SLC25A10: variants seen among roughly 807,000 people sequenced by gnomAD.
The protein encoded by SLC25A10 is solute carrier family 25 member 10.
SLC25A10 carries 32 observed loss-of-function variants against 40.4 expected under a neutral mutation model. The observed-to-expected ratio is 0.79, with a 90% CI of 0.60 to 1.06. The LOEUF is 1.06. Ranked by LOEUF, SLC25A10 falls within the 50% of genes least tolerant of loss-of-function variation. The probability of loss-of-function intolerance (pLI) is 0.00; values close to 1 mark genes in which losing one functional copy is unlikely to be tolerated. For missense variants in SLC25A10, 394 were observed against 402.6 expected, an observed-to-expected ratio of 0.98 and a Z score of 0.18; for synonymous variants, 181 against 171.1, an observed-to-expected ratio of 1.06 and a Z score of -0.45.
chr17:81,716,881 C>G (rs1230662515), intron 6 of SLC25A10, 26 bp downstream of exon 6: 1 of 1,609,822 alleles, frequency 6.2e-7, no homozygotes, highest in Non-Finnish European at 8.5e-7. Context: ...TGTGCACAGG[C>G]AGGGTTCTGG....
chr17:81,717,858 T>C lies in SLC25A10; in HGVS notation c.702T>C (p.Tyr234=). The C allele has an allele frequency of 6.2e-7, 1 of 1,607,206 alleles. No individual in the cohort carries two copies. Among genetic ancestry groups the C allele is most frequent in the Non-Finnish European group, 8.5e-7 (1 of 1,177,696 alleles). ...GCCTGATGAACTCCAAGGGGGAGTATCAGGTGAGTGGGGCCCTGCCTGTGC... is the reference window on the plus strand; with the variant it reads ...GCCTGATGAACTCCAAGGGGGAGTACCAGGTGAGTGGGGCCCTGCCTGTGC... ...KTRLMNSKGE[Y]QGVFHCAVET... is the part of the protein sequence containing the mutation. Residue 234 remains tyrosine, a synonymous_variant, in exon 9 of 11, where the codon TAT becomes TAC. Coordinates refer to ENST00000350690, the MANE Select transcript of SLC25A10 (RefSeq NM_012140.5).
intron 2 of SLC25A10, 90 bp from the exon 3 acceptor site, chr17:81,715,388 G>C: frequency 1.7e-6 from 2 of 1,173,090 alleles, no homozygotes; most frequent in Middle Eastern, 2.0e-4. Flanking sequence ...GTGGCCCCTC[G>C]GGCTGAGGGG....
Position 81,719,838 on chromosome 17 carries a change from TCCACTG to T in SLC25A10, c.715_720del (p.His239_Cys240del). On this transcript the variant is annotated inframe_deletion, in exon 10 of 11. Transcript: ENST00000350690. ...TCACTGCGTTTTCTGCAGGGCGTTT[TCCACTG>T]CGCCGTGGAGACAGCGAAGCTCGGG... 1 of 1,613,340 alleles carries T rather than the reference TCCACTG, an allele frequency of 6.2e-7. No homozygotes were observed. The highest frequency in any genetic ancestry group is 8.5e-7 in the Non-Finnish European group (1 of 1,179,920).
Position 81,720,355 on chromosome 17 carries a change from G to A in SLC25A10, c.*278G>A, listed in dbSNP as rs1769726568. On this transcript the variant is annotated 3_prime_UTR_variant, in exon 11 of 11. Transcript: ENST00000350690. ...CCGCTGGCAGCTCCTCAGGGGAACA[G>A]GGGCTACCAGAGGCTGATTTCTCCC... is the stretch of plus-strand genomic sequence containing the variant. 6.4e-6 allele frequency: 9 copies of A among 1,417,282 alleles called. No homozygotes were observed. The highest frequency in any genetic ancestry group is 2.6e-4 in the Middle Eastern group (1 of 3,826). 87.8% of individuals were successfully genotyped at this position (1,417,282 alleles called of 1,614,324 possible).
chr17:81,715,874 G>A (rs1308074927), intron 4 of SLC25A10, 133 bp downstream of exon 4: 14 of 1,429,548 alleles, frequency 9.8e-6, no homozygotes, highest in Non-Finnish European at 1.3e-5. Flanking sequence ...CCTGGGCATA[G>A]GAGGGTGGGT....
rs1401383836 is a variant in SLC25A10, at chr17:81,720,376, C to G, written c.*299C>G. The stretch of plus-strand genomic sequence containing the variant: ...AACAGGGGCTACCAGAGGCTGATTT[C>G]TCCCCTCTCCTGGGCCAGGGGAGGG... On this transcript the variant is annotated 3_prime_UTR_variant, in exon 11 of 11. Transcript: ENST00000350690. 1.4e-6 allele frequency: 2 copies of G among 1,408,874 alleles called. No homozygotes were observed. The highest frequency in any genetic ancestry group is 2.9e-5 in the African/African-American group (2 of 69,166). The allele number at this position is 1,408,874 out of a possible 1,614,324, so 87.3% of individuals were successfully genotyped here.
At chr17:81,714,534 T>A (rs757908233) in intron 1 of SLC25A10, among the ~76,000 whole-genome samples, 9 of 152,220 alleles carry the variant, frequency 5.9e-5, no homozygotes, top group Non-Finnish European at 1.2e-4. Context: ...TCGCCGTTTC[T>A]GAGCGGCCAT....
rs1379372118 is a variant in SLC25A10 at position 81,718,949 on chromosome 17, AAAAAAAC to A, written c.706-868_706-862del. Among the ~76,000 whole-genome samples, 22 of 151,912 alleles carry A rather than the reference AAAAAAAC, an allele frequency of 1.4e-4. No homozygotes were observed. In the Middle Eastern group the frequency reaches 0.017, roughly 117 times the overall value. Reference sequence around the variant, plus strand: ...GGATGACAGAGCGAGACTCTGTCTTAAAAAAACAAAAAACAAAAAAAAACACATTTCT... The same window carrying A: ...GGATGACAGAGCGAGACTCTGTCTTAAAAAAACAAAAAAAAACACATTTCT... On this transcript the variant is annotated intron_variant, in intron 9 of 10. Coordinates refer to ENST00000350690, the MANE Select transcript of SLC25A10 (RefSeq NM_012140.5).
intron 1 of SLC25A10, chr17:81,713,302 C>A: frequency 4.4e-6 from 1 of 225,704 alleles, no homozygotes; most frequent in Non-Finnish European, 7.4e-6. Context: ...TGTCTTGCCA[C>A]AGAGAACAAA....
rs1337435143 is a variant in SLC25A10, at chr17:81,717,052, G to A, written c.514G>A (p.Ala172Thr). ...TGCAACCATGGCATCCAGCCGAGGG[G>A]CCTTAGTCACTGTGGGCCAGGTAGG... is the stretch of plus-strand genomic sequence containing the variant. ...SGATMASSRG[A>T]LVTVGQLSCY... Residue 172 changes from alanine (A) to threonine (T), a missense_variant, in exon 7 of 11, where the codon GCC becomes ACC. Ala to Thr is a moderately conservative substitution (Grantham distance 58). Coordinates refer to ENST00000350690, the MANE Select transcript of SLC25A10 (RefSeq NM_012140.5). 2.5e-6 allele frequency: 4 copies of A among 1,613,812 alleles called. No homozygotes were observed. The highest frequency in any genetic ancestry group is 1.7e-5 in the Admixed American group (1 of 60,014).
intron 4 of SLC25A10, 37 bp from the exon 5 acceptor site, chr17:81,715,972 G>GGC: frequency 1.1e-4 from 176 of 1,539,138 alleles, no homozygotes; most frequent in Middle Eastern, 3.7e-4. Flanking sequence ...ATGCCCCTCG[G>GGC]CCCGCCCGCC....
At chr17:81,719,922 G>A in intron 10 of SLC25A10, 35 bp downstream of exon 10, 1 of 1,613,582 alleles carries the variant, frequency 6.2e-7, no homozygotes, top group Non-Finnish European at 8.5e-7. Context: ...CTTGGGCAAT[G>A]GGGAGCGGGC....
Position 81,715,532 on chromosome 17 carries a change from G to A in SLC25A10, c.268G>A (p.Ala90Thr), listed in dbSNP as rs2037468575. 1.2e-6 allele frequency: 2 copies of A among 1,612,934 alleles called. No individual in the cohort carries two copies. The highest frequency in any genetic ancestry group is 2.7e-5 in the African/African-American group (2 of 75,056). The change falls in exon 3 of 11, where the codon GCC becomes ACC. Residue 90 changes from alanine to threonine, a missense_variant. Ala to Thr is a moderately conservative substitution (Grantham distance 58). Coordinates refer to ENST00000350690, the MANE Select transcript of SLC25A10 (RefSeq NM_012140.5). ...AIYETVRDRV[A>T]KGSQGPLPFH... ...CTACGAGACTGTGCGGGACCGTGTG[G>A]CCAAGGGCAGCCAGGGGCCTCTCCC...
intron 8 of SLC25A10, 109 bp from the exon 9 acceptor site, chr17:81,717,675 T>C: frequency 1.4e-6 from 2 of 1,387,206 alleles, no homozygotes; most frequent in East Asian, 2.5e-5. Context: ...CCCGCCAGCA[T>C]GTTCCTGGCC....
chr17:81,717,920 T>C, intron 9 of SLC25A10, 59 bp downstream of exon 9: 1 of 1,353,680 alleles, frequency 7.4e-7, no homozygotes, highest in Non-Finnish European at 1.0e-6. Context: ...CCCTCACCTC[T>C]CCGGGGGGTG....
chr17:81,716,583 C>G, intron 5 of SLC25A10: 1 of 593,298 alleles, frequency 1.7e-6, no homozygotes, highest in Non-Finnish European at 3.0e-6. Flanking sequence ...CGGTGCCCAG[C>G]CAGGGACTCT....
At chr17:81,714,084 G>A (rs558284566) in intron 1 of SLC25A10, among the ~76,000 whole-genome samples, 4 of 152,344 alleles carry the variant, frequency 2.6e-5, no homozygotes, top group South Asian at 2.1e-4. Flanking sequence ...TGCTGGGCTC[G>A]CACAATGGGA....
intron 5 of SLC25A10, 67 bp downstream of exon 5, chr17:81,716,117 G>A (rs2037481758): frequency 6.6e-7 from 1 of 1,513,546 alleles, no homozygotes; most frequent in Non-Finnish European, 9.0e-7. Context: ...CGGACCCCTG[G>A]CTGCTCTGCC....
intron 1 of SLC25A10, 152 bp from the exon 2 acceptor site, chr17:81,714,801 T>C: frequency 2.0e-6 from 2 of 1,005,854 alleles, no homozygotes; most frequent in South Asian, 3.2e-5. Flanking sequence ...AAAGCAGTGG[T>C]GTGAGCTGGT....
Sources: gnomAD v4.1 joint callset for allele counts (sites outside exome capture counted in the v4.1 genomes callset) on GRCh38, gnomAD v4.1.1 for gene constraint, MANE v1.5 for transcripts, NCBI Gene and HGNC (gene_info 2026-07-23, HGNC 2026-07-21) for gene names.